Variants in CHFR observed in about 807,000 individuals in gnomAD.
CHFR encodes the protein E3 ubiquitin-protein ligase CHFR.
Under a neutral mutation model 87.6 loss-of-function variants are expected in CHFR, and 57 were observed. The ratio of observed to expected loss-of-function variants is 0.65; its 90% CI spans 0.53 to 0.81. CHFR has a LOEUF of 0.81. CHFR is among the 30% of genes least tolerant of loss of function. CHFR has a pLI of 0.00. For missense variants in CHFR, 797 were observed against 865.8 expected (o/e 0.92, Z 1.00); for synonymous variants, 381 against 359.2 (o/e 1.06, Z -0.69).
In CHFR at chr12:132,875,877, G is replaced by GT. The variant is rs564048878; in HGVS notation, c.233+1677dup. Among the ~76,000 whole-genome samples the GT allele has an allele frequency of 1.7e-3, 263 of 151,958 alleles. 1 individual carries two copies. The highest frequency in any genetic ancestry group is 5.8e-3 in the African/African-American group (239 of 41,474). On this transcript the variant is annotated intron_variant, in intron 3 of 17. Coordinates refer to ENST00000450056, the MANE Select transcript of CHFR (RefSeq NM_001161346.2). ...CATGTGAAGCGCTCCATAAAACACC[G>GT]TAAGTGAAAAAAGCTGGCCGGGCGC...
rs149842676 is a variant in CHFR, at chr12:132,835,585, G to A, written c.*5969C>T. On this transcript the variant is annotated 3_prime_UTR_variant, in exon 18 of 18. Coordinates refer to ENST00000450056, the MANE Select transcript of CHFR (RefSeq NM_001161346.2). The stretch of plus-strand genomic sequence containing the variant: ...CACGCATGAAGAGAAGATGACGTGA[G>A]AACTCAAGGAGATGCTGCCCACGAG... 1,045 of 176,784 alleles carry A rather than the reference G, an allele frequency of 5.9e-3. 7 individuals are homozygous for A. Among genetic ancestry groups the A allele is most frequent in the Middle Eastern group, 0.045 (17 of 374 alleles). The allele number at this position is 176,784 out of a possible 1,614,324, so 11.0% of individuals were successfully genotyped here.
chr12:132,846,970 G>A (rs969097917), intron 15 of CHFR, 73 bp downstream of exon 15: 1 of 1,066,780 alleles, frequency 9.4e-7, no homozygotes, highest in Admixed American at 1.8e-5. Flanking sequence ...GTTGTCACTG[G>A]GAGAGCAGAC....
At chr12:132,877,492 G>A in intron 3 of CHFR, 63 bp downstream of exon 3, 1 of 1,133,300 alleles carries the variant, frequency 8.8e-7, no homozygotes, top group East Asian at 2.4e-5. Context: ...ACAGCACAGA[G>A]CACGAAGTCA....
chr12:132,880,089 C>T (rs1951732277), intron 2 of CHFR, among the ~76,000 whole-genome samples: 2 of 152,138 alleles, frequency 1.3e-5, no homozygotes, highest in South Asian at 2.1e-4. Flanking sequence ...ACAGAAAAAA[C>T]GTGTAGAAAA....
intron 6 of CHFR, among the ~76,000 whole-genome samples, chr12:132,862,124 A>T (rs1593483873): frequency 6.6e-6 from 1 of 152,102 alleles, no homozygotes; most frequent in African/African-American, 2.4e-5. Flanking sequence ...AATACAAAAA[A>T]ATTAGACAGG....
rs146711897 is a variant in CHFR at position 132,877,804 on chromosome 12, A to T, written c.134-150T>A. The T allele has an allele frequency of 1.1e-4, 44 of 383,912 alleles. No homozygotes were observed. In the East Asian group the frequency reaches 1.7e-3, roughly 15 times the overall value. 23.8% of individuals were successfully genotyped at this position (383,912 alleles called of 1,614,324 possible). A position where few individuals can be genotyped will look rare whatever the true frequency, so the allele number is the denominator to read the frequency against. On this transcript the variant is annotated intron_variant, in intron 2 of 17. Coordinates refer to ENST00000450056, the MANE Select transcript of CHFR (RefSeq NM_001161346.2). ...ACTTGACCAAGAAAGACATAAAGAA[A>T]TTTTTTTTTTTTTCTTGAGACGGAG...
At chr12:132,869,326 G>A (rs1297108119) in intron 6 of CHFR, among the ~76,000 whole-genome samples, 5 of 152,090 alleles carry the variant, frequency 3.3e-5, no homozygotes, top group Non-Finnish European at 5.9e-5. Context: ...CCCACACCTT[G>A]TGATGTACTA....
chr12:132,872,273 CCTCT>C lies in CHFR; in HGVS notation c.343+8_343+11del. 2 of 1,581,186 alleles carry C rather than the reference CCTCT, an allele frequency of 1.3e-6. No individual in the cohort carries two copies. The highest frequency in any genetic ancestry group is 1.7e-6 in the Non-Finnish European group (2 of 1,150,062). On this transcript the variant is annotated splice_region_variant and intron_variant, in intron 4 of 17. Transcript: ENST00000450056. ...TGCGGGTCTGACCCCGGCAAGCCTT[CCTCT>C]CTCTTACTGTGTTCCGGTTCATTCT...
At chr12:132,880,732 C>CAA (rs1951747988) in intron 2 of CHFR, among the ~76,000 whole-genome samples, 1 of 148,814 alleles carries the variant, frequency 6.7e-6, no homozygotes, top group African/African-American at 2.5e-5. Flanking sequence ...GTTGGGAGGC[C>CAA]GAGGCGGGCG....
At chr12:132,854,286 C>A (rs1375359797) in intron 10 of CHFR, 3 of 152,202 alleles carry the variant, frequency 2.0e-5, no homozygotes, top group African/African-American at 7.2e-5. Flanking sequence ...CTCATGCAGA[C>A]CTTGTAGAGT....
At chr12:132,850,591 C>A (rs1259697925) in intron 12 of CHFR, among the ~76,000 whole-genome samples, 7 of 152,178 alleles carry the variant, frequency 4.6e-5, no homozygotes, top group African/African-American at 1.7e-4. Flanking sequence ...TGTGTCCCGA[C>A]GCTGCAGGCT....
intron 6 of CHFR, among the ~76,000 whole-genome samples, chr12:132,865,030 C>G (rs1265358555): frequency 6.6e-6 from 1 of 152,184 alleles, no homozygotes; most frequent in African/African-American, 2.4e-5. Context: ...GGACTTGGCC[C>G]TAGGGACATG....
chr12:132,874,992 G>A (rs1951596022), intron 3 of CHFR, among the ~76,000 whole-genome samples: 1 of 151,460 alleles, frequency 6.6e-6, no homozygotes. Flanking sequence ...GGAAAGCCCA[G>A]GACCAGCACC....
Position 132,859,145 on chromosome 12 carries a change from T to A in CHFR, c.834A>T (p.Ala278=), listed in dbSNP as rs765845584. ...CCATCTTGTCTGGCTTCCCAGCCGC[T>A]GCTCTGACGTCCTCGTGGACGGTTT... ...NAQTVHEDVR[A]AAGKPDKMEE... is the part of the protein sequence containing the mutation. Residue 278 remains alanine, a synonymous_variant, in exon 8 of 18, where the codon GCA becomes GCT. Coordinates refer to ENST00000450056, the MANE Select transcript of CHFR (RefSeq NM_001161346.2). The A allele has an allele frequency of 6.2e-7, 1 of 1,614,164 alleles. No homozygotes were observed. The highest frequency in any genetic ancestry group is 8.5e-7 in the Non-Finnish European group (1 of 1,180,008).
In CHFR at chr12:132,837,047, C is replaced by G. The variant is rs534672285; in HGVS notation, c.*4507G>C. On this transcript the variant is annotated 3_prime_UTR_variant, in exon 18 of 18. Coordinates refer to ENST00000450056, the MANE Select transcript of CHFR (RefSeq NM_001161346.2). ...CCTGCAGGAGCTGAATGAGGAGAGG[C>G]TGCAGAGGGAGGGGCTGGTACCTGA... 2.3e-3 allele frequency: 787 copies of G among 339,904 alleles called. 12 individuals carry two copies. The highest frequency in any genetic ancestry group is 0.015 in the South Asian group (655 of 44,688). 21.1% of individuals were successfully genotyped at this position (339,904 alleles called of 1,614,324 possible).
At chr12:132,878,572 C>T (rs188083214) in intron 2 of CHFR, among the ~76,000 whole-genome samples, 44 of 151,742 alleles carry the variant, frequency 2.9e-4, no homozygotes, top group Admixed American at 2.8e-3. Context: ...TGGCTAGGTC[C>T]GGTGGCTCAC....
At position 132,848,160 on chromosome 12, in the gene CHFR, C is replaced by T. The variant is rs1396849052; in HGVS notation, c.1577-5G>A. The T allele has an allele frequency of 1.3e-5, 21 of 1,613,962 alleles. No homozygotes were observed. The East Asian group carries it at 3.1e-4, about 24-fold the overall frequency. ...ACTTGTCACCCAGGTTGAGCTCTGC[C>T]GAGATGAAGGGGCAATGTTACCTGT... is the stretch of plus-strand genomic sequence containing the variant. On this transcript the variant is annotated splice_region_variant and splice_polypyrimidine_tract_variant and intron_variant, in intron 13 of 17. Coordinates refer to ENST00000450056, the MANE Select transcript of CHFR (RefSeq NM_001161346.2).
intron 7 of CHFR, 130 bp downstream of exon 7, chr12:132,861,337 G>C: frequency 1.2e-6 from 1 of 859,898 alleles, no homozygotes; most frequent in Non-Finnish European, 1.8e-6. Context: ...GGTGTTACAG[G>C]CATCAACCTG....
At chr12:132,856,754 A>C (rs1951078880) in intron 9 of CHFR, 124 bp from the exon 10 acceptor site, 1 of 1,091,300 alleles carries the variant, frequency 9.2e-7, no homozygotes, top group Non-Finnish European at 1.4e-6. Context: ...GACCGCCCTC[A>C]CGTGCCCGGG....
Sources: allele counts gnomAD v4.1 joint callset (sites outside exome capture counted in the v4.1 genomes callset), GRCh38; gene constraint gnomAD v4.1.1; transcripts MANE v1.5; gene names NCBI Gene and HGNC (gene_info 2026-07-23, HGNC 2026-07-21).